Variants in DOCK4 observed in about 807,000 individuals in gnomAD.
The protein encoded by DOCK4 is dedicator of cytokinesis 4.
Under a neutral mutation model 268.1 loss-of-function variants are expected in DOCK4, and 97 were observed. That is an observed-to-expected ratio of 0.36 (90% CI 0.31 to 0.43). The LOEUF (loss-of-function observed/expected upper bound fraction) is 0.43. DOCK4 is among the 20% of genes least tolerant of loss of function. DOCK4 has a pLI of 1.00. For synonymous variants in DOCK4, 954 were observed against 887.2 expected (o/e 1.08, Z -1.34); for missense variants, 2,145 against 2,455.7 (o/e 0.87, Z 2.67).
intron 13 of DOCK4, among the ~76,000 whole-genome samples, chr7:111,915,177 A>G (rs1034321433): frequency 1.3e-5 from 2 of 152,230 alleles, no homozygotes; most frequent in African/African-American, 4.8e-5. Context: ...TCCCAAATGC[A>G]TCAGCTTCAA....
intron 49 of DOCK4, 67 bp from the exon 50 acceptor site, chr7:111,737,056 A>G: frequency 2.2e-6 from 3 of 1,394,064 alleles, no homozygotes; most frequent in East Asian, 4.9e-5. Flanking sequence ...TCAGAAAATG[A>G]GACGATTATC....
intron 13 of DOCK4, among the ~76,000 whole-genome samples, chr7:111,904,961 C>T (rs1448475450): frequency 6.6e-6 from 1 of 152,308 alleles, no homozygotes; most frequent in East Asian, 1.9e-4. Context: ...CCTGTAACCC[C>T]ATTATCTTTT....
chr7:111,749,627 T>C (rs765587897), intron 42 of DOCK4, among the ~76,000 whole-genome samples: 1 of 151,868 alleles, frequency 6.6e-6, no homozygotes, highest in Non-Finnish European at 1.5e-5. Context: ...ACTTGGAAAA[T>C]ATTTCCAACA....
In DOCK4 at chr7:111,741,612, C is replaced by T. The variant is rs1287188364; in HGVS notation, c.4847G>A (p.Ser1616Asn). The T allele has an allele frequency of 1.9e-6, 3 of 1,613,576 alleles. No homozygotes were observed. Among genetic ancestry groups the T allele is most frequent in the Non-Finnish European group, 1.7e-6 (2 of 1,179,742 alleles). The change falls in exon 46 of 53, where the codon AGC becomes AAC. Residue 1616 changes from serine to asparagine, a missense_variant. Coordinates refer to ENST00000428084, the MANE Select transcript of DOCK4 (RefSeq NM_001363540.2). ...QASPVHFPNG[S>N]PRVCRNSAPA... The stretch of plus-strand genomic sequence containing the variant: ...TGCTGAGTTTCTACACACACGAGGG[C>T]TTCCATTAGGAAAATGGACAGGACT...
At chr7:112,048,703 G>A (rs961201035) in intron 1 of DOCK4, among the ~76,000 whole-genome samples, 8 of 149,458 alleles carry the variant, frequency 5.4e-5, no homozygotes, top group African/African-American at 1.2e-4. Context: ...GTAGAGAAAC[G>A]TCTCTAAACA....
At chr7:111,797,061 G>T (rs1362480359) in intron 30 of DOCK4, among the ~76,000 whole-genome samples, 4 of 152,144 alleles carry the variant, frequency 2.6e-5, no homozygotes, top group East Asian at 1.9e-4. Context: ...TTCTAAATGG[G>T]TAATAAATTA....
chr7:112,044,747 A>T (rs1055898447), intron 1 of DOCK4, among the ~76,000 whole-genome samples: 24 of 151,590 alleles, frequency 1.6e-4, no homozygotes, highest in African/African-American at 2.4e-5. Flanking sequence ...TTTTTTTCTC[A>T]TCATACCTTA....
At chr7:111,931,589 T>C (rs1358079870) in intron 12 of DOCK4, among the ~76,000 whole-genome samples, 1 of 152,048 alleles carries the variant, frequency 6.6e-6, no homozygotes, top group Admixed American at 6.6e-5. Flanking sequence ...AGCAATCAAA[T>C]CAATGGAGAG....
chr7:111,778,513 G>A, intron 35 of DOCK4, 144 bp from the exon 36 acceptor site: 1 of 481,324 alleles, frequency 2.1e-6, no homozygotes, highest in Non-Finnish European at 3.6e-6. Context: ...ATGAAATAAG[G>A]TGGCTCAGTG....
chr7:111,738,196 T>G (rs541008843), intron 49 of DOCK4, among the ~76,000 whole-genome samples: 3 of 152,330 alleles, frequency 2.0e-5, no homozygotes, highest in East Asian at 3.9e-4. Flanking sequence ...AGCCCAAGCC[T>G]CTGCTCTCAG....
In DOCK4 at chr7:111,758,625, T is replaced by C. The variant is rs1258577816; in HGVS notation, c.4328A>G (p.Lys1443Arg). ...CATGTAATAAGAATTGCATGGTACC[T>C]TGAATTCATTCTCTTTATCTTTTGT... ...KGTKDKENEF[K>R]SLWVERTSLY... The change falls in exon 41 of 53, where the codon AAG becomes AGG. Residue 1443 changes from lysine to arginine, a missense_variant and splice_region_variant. Around this residue, in one of 2 missense-constraint regions of DOCK4, gnomAD observed 1,598 missense variants for 1,986.7 expected, o/e 0.80. Transcript: ENST00000428084. 2 of 1,613,734 alleles carry C rather than the reference T, an allele frequency of 1.2e-6. No individual in the cohort carries two copies. The highest frequency in any genetic ancestry group is 2.2e-5 in the South Asian group (2 of 91,026).
Position 111,769,653 on chromosome 7 carries a change from T to C in DOCK4, c.3704A>G (p.Tyr1235Cys). 2 of 1,613,650 alleles carry C rather than the reference T, an allele frequency of 1.2e-6. No homozygotes were observed. Among genetic ancestry groups the C allele is most frequent in the Non-Finnish European group, 1.7e-6 (2 of 1,179,752 alleles). Residue 1235 changes from tyrosine to cysteine, a missense_variant, in exon 37 of 53, where the codon TAT (tyrosine) becomes TGT (cysteine). Coordinates refer to ENST00000428084, the MANE Select transcript of DOCK4 (RefSeq NM_001363540.2). The part of the protein sequence containing the change: ...FTEAAYTLLL[Y>C]DELLEWSDRP... Reference sequence around the variant, plus strand: ...ATCAGACCATTCCAGTAGCTCGTCATATAAGAGGAGGGTATATGCAGCTTC... The same window carrying C: ...ATCAGACCATTCCAGTAGCTCGTCACATAAGAGGAGGGTATATGCAGCTTC...
intron 1 of DOCK4, among the ~76,000 whole-genome samples, chr7:112,032,885 A>C (rs1000515396): frequency 1.3e-5 from 2 of 152,178 alleles, no homozygotes; most frequent in African/African-American, 2.4e-5. Flanking sequence ...AAGACATCCT[A>C]ATCTCTGAGG....
intron 1 of DOCK4, among the ~76,000 whole-genome samples, chr7:112,103,872 ACT>A (rs1477446473): frequency 6.6e-6 from 1 of 151,772 alleles, no homozygotes; most frequent in African/African-American, 2.4e-5. Flanking sequence ...ACAGAGAGAA[ACT>A]CTGTCTCAAT....
chr7:112,086,448 C>T (rs1027166685), intron 1 of DOCK4, among the ~76,000 whole-genome samples: 1 of 151,998 alleles, frequency 6.6e-6, no homozygotes, highest in South Asian at 2.1e-4. Flanking sequence ...AAACAGAAAA[C>T]GTTTTAAAAT....
At chr7:112,108,380 C>T (rs1158102064) in intron 1 of DOCK4, among the ~76,000 whole-genome samples, 2 of 152,176 alleles carry the variant, frequency 1.3e-5, no homozygotes, top group African/African-American at 4.8e-5. Context: ...AAACAAAGCC[C>T]TCATTTTAGC....
intron 23 of DOCK4, among the ~76,000 whole-genome samples, chr7:111,862,700 C>G (rs964053820): frequency 6.2e-4 from 94 of 151,960 alleles, no homozygotes; most frequent in African/African-American, 2.2e-3. Flanking sequence ...CCATGTTGGC[C>G]AGGCTGGTCT....
intron 17 of DOCK4, 68 bp from the exon 18 acceptor site, chr7:111,872,632 C>T: frequency 2.3e-6 from 3 of 1,329,416 alleles, no homozygotes; most frequent in African/African-American, 1.5e-5. Context: ...AAGCGTTCTG[C>T]TAGTAAAAGT....
chr7:111,811,980 C>A (rs1313974033), intron 27 of DOCK4, 31 bp from the exon 28 acceptor site: 2 of 1,247,250 alleles, frequency 1.6e-6, no homozygotes, highest in Middle Eastern at 2.0e-4. Flanking sequence ...AAGGTGAAAA[C>A]TTCATATTAG....
Sources: allele counts gnomAD v4.1 joint callset (sites outside exome capture counted in the v4.1 genomes callset), GRCh38; gene constraint gnomAD v4.1.1; regional missense constraint gnomAD v4.1.1; transcripts MANE v1.5; gene names NCBI Gene and HGNC (gene_info 2026-07-23, HGNC 2026-07-21).